Variants in NCAPG2 observed in about 807,000 individuals in gnomAD.
NCAPG2 encodes the protein condensin-2 complex subunit G2.
Under a neutral mutation model 141.1 loss-of-function variants are expected in NCAPG2, and 53 were observed. The observed-to-expected ratio is 0.38, with a 90% CI of 0.30 to 0.47. The LOEUF (loss-of-function observed/expected upper bound fraction) is 0.47, where lower values mean the gene tolerates loss of function less well. Among genes scored for constraint, NCAPG2 ranks in the 20% least tolerant of loss-of-function variants. The pLI, the probability that NCAPG2 is intolerant of heterozygous loss-of-function variation, is 0.99. For synonymous variants in NCAPG2, 499 were observed against 490.7 expected, an observed-to-expected ratio of 1.02 and a Z score of -0.22; for missense variants, 1,087 against 1,389.0, an observed-to-expected ratio of 0.78 and a Z score of 3.46.
chr7:158,635,373 G>T (rs982291361), intron 27 of NCAPG2, among the ~76,000 whole-genome samples: 21 of 152,152 alleles, frequency 1.4e-4, no homozygotes, highest in Middle Eastern at 3.4e-3. Context: ...TCCCTTCAAG[G>T]TTTAATGTTG....
In NCAPG2 at chr7:158,680,071, T is replaced by A; in HGVS notation, c.1035A>T (p.Glu345Asp). ...LWRGLKARNS[E>D]VRSNAALLFV... ...ACAACAATGCAGCATTTGATCGAAC[T>A]TCAGAGTTTCTGGCCTATAATAATA... The change falls in exon 11 of 28, where the codon GAA becomes GAT. Residue 345 changes from glutamate to aspartate, a missense_variant. Coordinates refer to ENST00000356309, the MANE Select transcript of NCAPG2 (RefSeq NM_017760.7). 2.5e-6 allele frequency: 4 copies of A among 1,613,900 alleles called. No individual in the cohort carries two copies. Among genetic ancestry groups the A allele is most frequent in the Non-Finnish European group, 3.4e-6 (4 of 1,179,874 alleles).
At chr7:158,677,531 A>AAAAAAAAAAAAAAAAAAAAAAAAAAG (rs1370574761) in intron 11 of NCAPG2, among the ~76,000 whole-genome samples, 1 of 45,330 alleles carries the variant, frequency 2.2e-5, no homozygotes, top group Non-Finnish European at 4.5e-5. Context: ...AAAGCAAAAA[A>AAAAAAAAAAAAAAAAAAAAAAAAAAG]AAAAAAAAAA....
chr7:158,689,413 G>A (rs758288183), intron 6 of NCAPG2, among the ~76,000 whole-genome samples: 7 of 152,114 alleles, frequency 4.6e-5, no homozygotes, highest in Non-Finnish European at 1.0e-4. Flanking sequence ...CAGGCCAGAA[G>A]CCTCTCTGGA....
intron 2 of NCAPG2, among the ~76,000 whole-genome samples, chr7:158,695,465 C>A (rs1835386767): frequency 6.6e-6 from 1 of 152,140 alleles, no homozygotes; most frequent in African/African-American, 2.4e-5. Flanking sequence ...AAAAATCAAC[C>A]CTGAAGAAAT....
At position 158,683,329 on chromosome 7, in the gene NCAPG2, T is replaced by C; in HGVS notation, c.895A>G (p.Arg299Gly). Reference protein sequence around the residue: ...FMFHGIHLPRRSPVHSKVREV... With the variant: ...FMFHGIHLPRGSPVHSKVREV... ...CGCACTTTGGAATGCACTGGAGACC[T>C]CCTCGGAAGGTGTATCCCGTGGAAC... Residue 299 changes from arginine (R) to glycine (G), a missense_variant, in exon 9 of 28, where the codon AGG becomes GGG. Coordinates refer to ENST00000356309, the MANE Select transcript of NCAPG2 (RefSeq NM_017760.7). 6.2e-7 allele frequency: 1 copy of C among 1,604,838 alleles called. No homozygotes were observed. Among genetic ancestry groups the C allele is most frequent in the Non-Finnish European group, 8.5e-7 (1 of 1,176,324 alleles).
chr7:158,637,133 G>C (rs1002708583), intron 27 of NCAPG2, among the ~76,000 whole-genome samples: 12 of 152,024 alleles, frequency 7.9e-5, no homozygotes, highest in African/African-American at 2.9e-4. Context: ...ATTTTTAGTA[G>C]AGACGGGGTT....
At chr7:158,675,316 T>C (rs13247320) in intron 12 of NCAPG2, among the ~76,000 whole-genome samples, 161 bp downstream of exon 12, 1 of 152,230 alleles carries the variant, frequency 6.6e-6, no homozygotes, top group Non-Finnish European at 1.5e-5. Flanking sequence ...GAAAACACTT[T>C]GAATTTGGTT....
In NCAPG2 at chr7:158,650,836, C is replaced by T. The variant is rs769653413; in HGVS notation, c.3071G>A (p.Arg1024Gln). Residue 1024 changes from arginine to glutamine, a missense_variant, in exon 24 of 28, where the codon CGG (arginine) becomes CAG (glutamine). Coordinates refer to ENST00000356309, the MANE Select transcript of NCAPG2 (RefSeq NM_017760.7). ...GPVVEISHQLRKVSDVEELTP... is the reference protein window; with the variant it reads ...GPVVEISHQLQKVSDVEELTP... ...TTCAGGATTAAAGCACTTCACCTTC[C>T]GTAGCTGGTGACTTATCTCAACCAC... is the stretch of plus-strand genomic sequence containing the variant. 5 of 1,610,504 alleles carry T rather than the reference C, an allele frequency of 3.1e-6. No homozygotes were observed. Among genetic ancestry groups the T allele is most frequent in the Admixed American group, 1.7e-5 (1 of 58,944 alleles).
intron 15 of NCAPG2, among the ~76,000 whole-genome samples, chr7:158,663,982 A>G (rs2129460311): frequency 6.6e-6 from 1 of 152,384 alleles, no homozygotes; most frequent in East Asian, 1.9e-4. Flanking sequence ...CTTCTGTATT[A>G]AGTCCTACCT....
At chr7:158,660,076 C>G (rs1387669534) in intron 16 of NCAPG2, among the ~76,000 whole-genome samples, 1 of 151,720 alleles carries the variant, frequency 6.6e-6, no homozygotes, top group African/African-American at 2.4e-5. Context: ...CCACTGCACT[C>G]CAGCCTGGGC....
At chr7:158,655,075 A>G in intron 21 of NCAPG2, 43 bp downstream of exon 21, 2 of 1,549,384 alleles carry the variant, frequency 1.3e-6, no homozygotes, top group Admixed American at 4.2e-5. Flanking sequence ...AAACATAACA[A>G]ACTTGGTAAA....
chr7:158,644,061 A>C (rs994981203), intron 27 of NCAPG2, among the ~76,000 whole-genome samples: 1 of 152,262 alleles, frequency 6.6e-6, no homozygotes, highest in Non-Finnish European at 1.5e-5. Flanking sequence ...ACTTTTCTAC[A>C]GTAGAATTTT....
chr7:158,682,047 T>C (rs2129467816), intron 9 of NCAPG2, among the ~76,000 whole-genome samples: 1 of 152,302 alleles, frequency 6.6e-6, no homozygotes, highest in Non-Finnish European at 1.5e-5. Context: ...CACGTTTCAC[T>C]TGAGTGAAAT....
chr7:158,692,201 G>A lies in NCAPG2; in HGVS notation c.382+641C>T, dbSNP rs139506072. On this transcript the variant is annotated intron_variant, in intron 4 of 27. Transcript: ENST00000356309. ...CATGGGCCATGGTCCCAGCTACTAAGGAGGCTGAGGTGAGAGGATAGCTAG... is the reference window on the plus strand; with the variant it reads ...CATGGGCCATGGTCCCAGCTACTAAAGAGGCTGAGGTGAGAGGATAGCTAG... 2.6e-3 allele frequency among the ~76,000 whole-genome samples: 397 copies of A among 152,282 alleles called. 1 individual carries two copies. The highest frequency in any genetic ancestry group is 0.017 in the Middle Eastern group (5 of 294).
intron 13 of NCAPG2, among the ~76,000 whole-genome samples, chr7:158,669,656 C>A (rs1231803146): frequency 6.6e-6 from 1 of 150,398 alleles, no homozygotes; most frequent in Non-Finnish European, 1.5e-5. Flanking sequence ...GTAGTCCCAG[C>A]TACTCAGGAG....
At chr7:158,704,020 C>T (rs1016133635) in intron 1 of NCAPG2, among the ~76,000 whole-genome samples, 1 of 151,574 alleles carries the variant, frequency 6.6e-6, no homozygotes, top group Non-Finnish European at 1.5e-5. Flanking sequence ...GAGGGCAGTG[C>T]CCATGCCCAG....
intron 6 of NCAPG2, among the ~76,000 whole-genome samples, chr7:158,689,145 AAAAGT>A (rs879568463): frequency 9.2e-5 from 14 of 152,228 alleles, no homozygotes; most frequent in Middle Eastern, 6.3e-3. Context: ...TCATGTTAAC[AAAAGT>A]AAAGAAGATT....
At position 158,658,348 on chromosome 7, in the gene NCAPG2, G is replaced by C. The variant is rs763009511; in HGVS notation, c.2050C>G (p.Pro684Ala). The change falls in exon 17 of 28, where the codon CCC becomes GCC. Residue 684 changes from proline (P) to alanine (A), a missense_variant. By Grantham distance (27) the Pro-to-Ala change is conservative (BLOSUM62 -1). Coordinates refer to ENST00000356309, the MANE Select transcript of NCAPG2 (RefSeq NM_017760.7). ...AAACAGAGCAAATACCTGAATGGGG[G>C]GACAGCAGAGGCCGGCATAAAGGAC... is the stretch of plus-strand genomic sequence containing the variant. ...LMSFMPASAV[P>A]PFSCGVISTL... The C allele has an allele frequency of 1.9e-6, 3 of 1,610,884 alleles. No homozygotes were observed. Among genetic ancestry groups the C allele is most frequent in the Non-Finnish European group, 2.5e-6 (3 of 1,178,346 alleles).
intron 17 of NCAPG2, 83 bp downstream of exon 17, chr7:158,658,255 G>A: frequency 7.7e-7 from 1 of 1,303,964 alleles, no homozygotes; most frequent in Non-Finnish European, 1.0e-6. Flanking sequence ...AAATGTTATG[G>A]TCTGCTGACA....
Sources: gnomAD v4.1 joint callset for allele counts (sites outside exome capture counted in the v4.1 genomes callset) on GRCh38, gnomAD v4.1.1 for gene constraint, MANE v1.5 for transcripts, NCBI Gene and HGNC (gene_info 2026-07-23, HGNC 2026-07-21) for gene names.